UQCC6: variants seen among roughly 807,000 people sequenced by gnomAD.
UQCC6 encodes ubiquinol-cytochrome c reductase complex assembly factor 6.
chr12:103,953,767 T>A, the UQCC6 span: 2 of 559,598 alleles, frequency 3.6e-6, no homozygotes, highest in Non-Finnish European at 6.4e-6. Flanking sequence ...GGCTTCATTC[T>A]ATCTCCTCCC....
chr12:103,961,691 G>C, the UQCC6 span, among the ~76,000 whole-genome samples: 2 of 151,956 alleles, frequency 1.3e-5, no homozygotes, highest in African/African-American at 4.8e-5. Flanking sequence ...CGAGTAGCTG[G>C]GACTACAGGT....
chr12:103,954,744 G>A, the UQCC6 span: 12 of 528,446 alleles, frequency 2.3e-5, no homozygotes, highest in Non-Finnish European at 3.7e-5. Context: ...TTAACGTGTC[G>A]TGAGCAGACA....
At chr12:103,951,688 C>G in the UQCC6 span, 2 of 940,930 alleles carry the variant, frequency 2.1e-6, no homozygotes, top group Non-Finnish European at 3.2e-6. Flanking sequence ...GGCTGTAATT[C>G]AATGTAACCT....
chr12:103,955,090 G>C, the UQCC6 span: 1 of 596,270 alleles, frequency 1.7e-6, no homozygotes, highest in South Asian at 2.0e-5. Flanking sequence ...AGAGGCGGGC[G>C]GATCACTTGA....
chr12:103,965,346 T>C, the UQCC6 span, among the ~76,000 whole-genome samples: 1 of 152,246 alleles, frequency 6.6e-6, no homozygotes, highest in Non-Finnish European at 1.5e-5. Flanking sequence ...GTTAATATTC[T>C]CATATATCCA....
At chr12:103,953,971 G>C in the UQCC6 span, among the ~76,000 whole-genome samples, 1 of 152,196 alleles carries the variant, frequency 6.6e-6, no homozygotes, top group African/African-American at 2.4e-5. Flanking sequence ...GTCTCCACTA[G>C]GTATTCTTGC....
At chr12:103,951,725 C>CA in the UQCC6 span, 5 of 657,178 alleles carry the variant, frequency 7.6e-6, no homozygotes, top group Non-Finnish European at 1.3e-5. Flanking sequence ...TAAAAAATAA[C>CA]AAAAAGTTCC....
chr12:103,956,762 G>A, the UQCC6 span: 1 of 1,498,968 alleles, frequency 6.7e-7, no homozygotes. Flanking sequence ...GACGGGGAAG[G>A]AAGGGGCAGT....
chr12:103,951,551 TGA>T, the UQCC6 span: 1 of 1,547,196 alleles, frequency 6.5e-7, no homozygotes, highest in Non-Finnish European at 8.7e-7. Context: ...TTGAGAAACT[TGA>T]GGTTTGTGTT....
the UQCC6 span, among the ~76,000 whole-genome samples, chr12:103,961,453 G>C: frequency 1.4e-4 from 21 of 152,282 alleles, no homozygotes; most frequent in Non-Finnish European, 2.4e-4. Context: ...CGCACTCACT[G>C]ACTCACCCAG....
the UQCC6 span, among the ~76,000 whole-genome samples, chr12:103,960,952 T>TA: frequency 4.5e-4 from 68 of 150,228 alleles, no homozygotes; most frequent in African/African-American, 9.5e-4. Flanking sequence ...TATTCTTTTT[T>TA]AAAAAAAAAA....
At chr12:103,957,894 T>A in the UQCC6 span, among the ~76,000 whole-genome samples, 5 of 53,886 alleles carry the variant, frequency 9.3e-5, no homozygotes, top group African/African-American at 1.3e-4. Context: ...CTACTAAAAA[T>A]ATATATATAT....
chr12:103,958,009 A>ATATAT, the UQCC6 span, among the ~76,000 whole-genome samples: 2 of 144,050 alleles, frequency 1.4e-5, no homozygotes, highest in South Asian at 4.4e-4. Flanking sequence ...ATATATATTT[A>ATATAT]TTTTTAATAT....
chr12:103,951,418 C>A, the UQCC6 span: 1 of 588,592 alleles, frequency 1.7e-6, no homozygotes, highest in Non-Finnish European at 3.0e-6. Flanking sequence ...AGCACCTCCT[C>A]TTGCAGTTAG....
the UQCC6 span, chr12:103,956,765 G>A: frequency 6.7e-7 from 1 of 1,490,168 alleles, no homozygotes; most frequent in Non-Finnish European, 9.2e-7. Flanking sequence ...GGGGAAGGAA[G>A]GGGCAGTGTC....
the UQCC6 span, among the ~76,000 whole-genome samples, chr12:103,964,757 C>A: frequency 6.6e-6 from 1 of 152,308 alleles, no homozygotes; most frequent in East Asian, 1.9e-4. Context: ...TTTTTTCATT[C>A]ACTCAACATA....
the UQCC6 span, among the ~76,000 whole-genome samples, chr12:103,963,668 T>C: frequency 2.6e-5 from 4 of 152,232 alleles, no homozygotes; most frequent in African/African-American, 9.6e-5. Flanking sequence ...AAATCTTGCG[T>C]CTTTTGTCAG....
chr12:103,956,933 A>G, the UQCC6 span: 3 of 560,678 alleles, frequency 5.4e-6, no homozygotes, highest in African/African-American at 1.9e-5. Context: ...CACTGAGAGG[A>G]CGAACGCCCT....
At chr12:103,957,816 G>A in the UQCC6 span, among the ~76,000 whole-genome samples, 21 of 151,280 alleles carry the variant, frequency 1.4e-4, no homozygotes, top group Non-Finnish European at 2.8e-4. Flanking sequence ...GCCAAGGCGG[G>A]CGGATCACTT....
Sources: gnomAD v4.1 joint callset for allele counts (sites outside exome capture counted in the v4.1 genomes callset) on GRCh38, gnomAD v4.1.1 for gene constraint, MANE v1.5 for transcripts, NCBI Gene and HGNC (gene_info 2026-07-23, HGNC 2026-07-21) for gene names.